DMXL1: variants seen among roughly 807,000 people sequenced by gnomAD.
DMXL1 encodes the protein Dmx like 1.
Under a neutral mutation model 319.2 loss-of-function variants are expected in DMXL1, and 99 were observed. That is an observed-to-expected ratio of 0.31 (90% CI 0.26 to 0.37). The LOEUF is 0.37. Ranked by LOEUF, DMXL1 falls within the 10% of genes least tolerant of loss-of-function variation. The pLI is 1.00. For synonymous variants in DMXL1, 1,385 were observed against 1,235.2 expected, an observed-to-expected ratio of 1.12 and a Z score of -2.54; for missense variants, 3,745 against 3,595.6, an observed-to-expected ratio of 1.04 and a Z score of -1.06.
chr5:119,134,431 T>C, intron 13 of DMXL1, 42 bp downstream of exon 13: 1 of 1,485,856 alleles, frequency 6.7e-7, no homozygotes, highest in East Asian at 2.3e-5. Flanking sequence ...TATAATATTA[T>C]GTTTTCAGAT....
chr5:119,209,880 G>A (rs962383899), intron 34 of DMXL1, among the ~76,000 whole-genome samples: 2 of 152,034 alleles, frequency 1.3e-5, no homozygotes, highest in African/African-American at 4.8e-5. Context: ...GTATGTTCTG[G>A]ATAAAAGTAA....
intron 9 of DMXL1, among the ~76,000 whole-genome samples, chr5:119,122,835 G>C (rs1269548970): frequency 6.6e-6 from 1 of 151,406 alleles, no homozygotes; most frequent in Admixed American, 6.6e-5. Context: ...CAGCCAGGCA[G>C]AGGGGCTCCT....
chr5:119,084,590 G>A (rs1007760927), intron 1 of DMXL1, among the ~76,000 whole-genome samples: 8 of 152,090 alleles, frequency 5.3e-5, no homozygotes, highest in Non-Finnish European at 1.2e-4. Context: ...TTGGCTGGGT[G>A]CTGTGGCTCA....
chr5:119,085,311 A>C (rs1035436995), intron 1 of DMXL1, among the ~76,000 whole-genome samples: 3 of 151,956 alleles, frequency 2.0e-5, no homozygotes, highest in Non-Finnish European at 2.9e-5. Context: ...CAGCCTGGGC[A>C]ACAGAGTGAG....
intron 1 of DMXL1, among the ~76,000 whole-genome samples, chr5:119,073,258 C>G (rs1750053600): frequency 6.6e-6 from 1 of 152,216 alleles, no homozygotes; most frequent in African/African-American, 2.4e-5. Flanking sequence ...AGAGGGGTCT[C>G]CTTATGTTGC....
Position 119,150,443 on chromosome 5 carries a change from A to G in DMXL1, c.4594+22A>G, listed in dbSNP as rs939603591. 5 of 1,559,370 alleles carry G rather than the reference A, an allele frequency of 3.2e-6. No individual in the cohort carries two copies. In the African/African-American group the frequency reaches 4.2e-5, roughly 13 times the overall value. ...CAAGGTAAAACTAAACTCCGTACTG[A>G]TAACATTTTTACTTACTTTCACAGA... On this transcript the variant is annotated intron_variant, in intron 18 of 43. Transcript: ENST00000539542.
At chr5:119,228,728 A>G (rs1786078241) in intron 38 of DMXL1, among the ~76,000 whole-genome samples, 2 of 152,196 alleles carry the variant, frequency 1.3e-5, no homozygotes, top group African/African-American at 2.4e-5. Flanking sequence ...CTTCATTTAT[A>G]ATGTATTTTT....
chr5:119,149,758 C>A lies in DMXL1; in HGVS notation c.3931C>A (p.Leu1311Ile), dbSNP rs753308837. 5.5e-5 allele frequency: 88 copies of A among 1,613,808 alleles called. 1 individual carries two copies. In the Middle Eastern group the frequency reaches 2.3e-3, roughly 42 times the overall value. ...DPSVDMEDSG[L>I]FEAAHVLSPT... ...TTCAGTGGATATGGAAGATTCAGGT[C>A]TTTTTGAAGCAGCTCATGTACTTTC... The change falls in exon 18 of 44, where the codon CTT becomes ATT. Residue 1311 changes from leucine to isoleucine, a missense_variant. Leu to Ile is a conservative substitution (Grantham distance 5). Coordinates refer to ENST00000539542, the MANE Select transcript of DMXL1 (RefSeq NM_001290321.3).
At chr5:119,119,352 C>G (rs1015140309) in intron 8 of DMXL1, among the ~76,000 whole-genome samples, 5 of 152,106 alleles carry the variant, frequency 3.3e-5, no homozygotes, top group Admixed American at 1.3e-4. Flanking sequence ...CTATTCTGTT[C>G]TTCTACCATT....
At chr5:119,081,848 T>A (rs1235775327) in intron 1 of DMXL1, among the ~76,000 whole-genome samples, 3 of 151,680 alleles carry the variant, frequency 2.0e-5, no homozygotes, top group African/African-American at 7.3e-5. Flanking sequence ...AAAAATTGAG[T>A]TTTTACTGCA....
At chr5:119,233,824 A>T (rs1185490635) in intron 39 of DMXL1, among the ~76,000 whole-genome samples, 1 of 152,104 alleles carries the variant, frequency 6.6e-6, no homozygotes, top group Non-Finnish European at 1.5e-5. Flanking sequence ...AATGCATATT[A>T]TTGTTCCTTC....
At chr5:119,098,601 A>G (rs999865798) in intron 2 of DMXL1, among the ~76,000 whole-genome samples, 2 of 152,224 alleles carry the variant, frequency 1.3e-5, no homozygotes, top group South Asian at 2.1e-4. Flanking sequence ...CTGGACTTCT[A>G]TTTGCATATG....
At chr5:119,176,752 G>T (rs1749467447) in intron 26 of DMXL1, among the ~76,000 whole-genome samples, 1 of 151,998 alleles carries the variant, frequency 6.6e-6, no homozygotes, top group Non-Finnish European at 1.5e-5. Context: ...CATAGTTTAT[G>T]TCAAGCTGCA....
At chr5:119,171,521 CT>C (rs11318105) in intron 24 of DMXL1, among the ~76,000 whole-genome samples, 126,212 of 151,904 alleles carry the variant, frequency 0.83, 52,655 homozygotes, top group East Asian at 0.99. Context: ...GTCTGAATGC[CT>C]TTGTAGGGTG....
At chr5:119,202,073 T>G (rs370415192) in intron 32 of DMXL1, among the ~76,000 whole-genome samples, 1 of 152,290 alleles carries the variant, frequency 6.6e-6, no homozygotes, top group East Asian at 1.9e-4. Context: ...TTTCTTTCAT[T>G]TCAGCTTTGA....
At chr5:119,099,175 GT>G (rs796213660) in intron 2 of DMXL1, among the ~76,000 whole-genome samples, 225 of 129,116 alleles carry the variant, frequency 1.7e-3, no homozygotes, top group East Asian at 6.7e-3. Context: ...AAATCTTTGG[GT>G]TTTTTTTTTG....
At chr5:119,118,776 AATTTGT>A in intron 7 of DMXL1, 33 bp from the exon 8 acceptor site, 1 of 1,498,760 alleles carries the variant, frequency 6.7e-7, no homozygotes, top group Non-Finnish European at 9.1e-7. Context: ...TACTATGTGA[AATTTGT>A]ATTTTTGCTT....
intron 4 of DMXL1, among the ~76,000 whole-genome samples, chr5:119,108,356 G>T (rs1428861895): frequency 6.6e-6 from 1 of 152,130 alleles, no homozygotes; most frequent in East Asian, 1.9e-4. Flanking sequence ...AAGTCATAGA[G>T]TTGGAATCTG....
chr5:119,130,438 G>A (rs925369164), intron 10 of DMXL1, among the ~76,000 whole-genome samples: 3 of 152,052 alleles, frequency 2.0e-5, no homozygotes, highest in Admixed American at 6.5e-5. Flanking sequence ...CACCTCCCGG[G>A]TTCAAGCAAT....
Sources: gnomAD v4.1 joint callset for allele counts (sites outside exome capture counted in the v4.1 genomes callset) on GRCh38, gnomAD v4.1.1 for gene constraint, MANE v1.5 for transcripts, NCBI Gene and HGNC (gene_info 2026-07-23, HGNC 2026-07-21) for gene names.